Variants in NTM observed in about 807,000 individuals in gnomAD.
NTM encodes the protein neurotrimin.
NTM carries 13 observed loss-of-function variants against 42.1 expected under a neutral mutation model. That is an observed-to-expected ratio of 0.31 (90% confidence interval 0.20 to 0.49). The LOEUF (loss-of-function observed/expected upper bound fraction) is 0.49, where lower values mean the gene tolerates loss of function less well. Among genes scored for constraint, NTM ranks in the 20% least tolerant of loss-of-function variants. NTM has a pLI of 0.99. For missense variants in NTM, 373 were observed against 452.8 expected, an observed-to-expected ratio of 0.82 and a Z score of 1.60; for synonymous variants, 187 against 179.2, an observed-to-expected ratio of 1.04 and a Z score of -0.35.
At chr11:131,790,486 A>G (rs185120518) in intron 1 of NTM, among the ~76,000 whole-genome samples, 91 of 152,338 alleles carry the variant, frequency 6.0e-4, no homozygotes, top group African/African-American at 2.1e-3. Flanking sequence ...AGTCTCCCCT[A>G]CTGACACACA....
chr11:132,307,634 A>ATGTT, intron 4 of NTM, 55 bp from the exon 5 acceptor site: 1 of 1,605,690 alleles, frequency 6.2e-7, no homozygotes, highest in Admixed American at 1.7e-5. Flanking sequence ...CTAAGTGAAC[A>ATGTT]TGTTTGGTCT....
chr11:131,661,003 A>AAAAG, intron 1 of NTM: 1 of 1,304,606 alleles, frequency 7.7e-7, no homozygotes, highest in Non-Finnish European at 1.0e-6. Context: ...AATGAACGGA[A>AAAAG]AAAGAAACGG....
At chr11:132,249,009 C>G (rs986328349) in intron 4 of NTM, among the ~76,000 whole-genome samples, 1 of 152,184 alleles carries the variant, frequency 6.6e-6, no homozygotes, top group African/African-American at 2.4e-5. Context: ...GATGCTCGTT[C>G]AGCTGCTGCT....
chr11:131,814,104 A>G (rs2092849812), intron 1 of NTM, among the ~76,000 whole-genome samples: 1 of 152,202 alleles, frequency 6.6e-6, no homozygotes, highest in Non-Finnish European at 1.5e-5. Context: ...TGTACTTCCC[A>G]GAGAGCTTAA....
intron 1 of NTM, among the ~76,000 whole-genome samples, chr11:131,531,854 G>A (rs1456101966): frequency 2.0e-5 from 3 of 152,154 alleles, no homozygotes; most frequent in East Asian, 3.9e-4. Flanking sequence ...ATTTTGGAGG[G>A]CAAGATAGGG....
intron 2 of NTM, among the ~76,000 whole-genome samples, chr11:132,089,829 T>C (rs191797866): frequency 6.6e-6 from 1 of 152,350 alleles, no homozygotes; most frequent in East Asian, 1.9e-4. Context: ...AAATGTCTTA[T>C]TGTTCTTAGT....
chr11:131,890,246 C>T (rs986632336), intron 1 of NTM, among the ~76,000 whole-genome samples: 2 of 152,246 alleles, frequency 1.3e-5, no homozygotes, highest in African/African-American at 4.8e-5. Context: ...GACTTCCCCT[C>T]TTTGTAGAGA....
At chr11:132,233,897 G>A (rs755065234) in intron 4 of NTM, among the ~76,000 whole-genome samples, 2 of 152,156 alleles carry the variant, frequency 1.3e-5, no homozygotes, top group Non-Finnish European at 2.9e-5. Flanking sequence ...TCCAAATGAT[G>A]CCCACTTCTC....
chr11:131,654,438 GT>G (rs11435915), intron 1 of NTM, among the ~76,000 whole-genome samples: 7 of 150,770 alleles, frequency 4.6e-5, no homozygotes, highest in Admixed American at 1.3e-4. Context: ...GTCCCGACAG[GT>G]TTTTTTTTTC....
intron 2 of NTM, among the ~76,000 whole-genome samples, chr11:132,107,817 T>G (rs900652866): frequency 7.2e-5 from 11 of 152,198 alleles, no homozygotes; most frequent in Non-Finnish European, 1.5e-4. Context: ...TTCTAAGCTC[T>G]GCATGGTGCA....
intron 1 of NTM, among the ~76,000 whole-genome samples, chr11:131,719,091 G>T (rs1295071172): frequency 6.6e-6 from 1 of 152,042 alleles, no homozygotes; most frequent in Non-Finnish European, 1.5e-5. Context: ...TGTATTTTTA[G>T]TAGAGATGAG....
At chr11:132,025,953 A>C (rs1369310208) in intron 2 of NTM, among the ~76,000 whole-genome samples, 1 of 152,150 alleles carries the variant, frequency 6.6e-6, no homozygotes, top group African/African-American at 2.4e-5. Flanking sequence ...TTAGACATGG[A>C]ATCCTGATTC....
intron 4 of NTM, among the ~76,000 whole-genome samples, chr11:132,288,713 G>A (rs1441752439): frequency 5.9e-5 from 9 of 151,766 alleles, no homozygotes; most frequent in Non-Finnish European, 1.3e-4. Context: ...TCCAGCTCCC[G>A]GGTTCAAGCG....
chr11:131,462,623 G>A (rs1439250533), intron 1 of NTM, among the ~76,000 whole-genome samples: 1 of 152,248 alleles, frequency 6.6e-6, no homozygotes, highest in African/African-American at 2.4e-5. Context: ...AGTGGCCACT[G>A]TTTCAGTTGA....
At chr11:132,101,500 T>C (rs562112802) in intron 2 of NTM, among the ~76,000 whole-genome samples, 1 of 152,136 alleles carries the variant, frequency 6.6e-6, no homozygotes, top group South Asian at 2.1e-4. Flanking sequence ...TGAATACCCC[T>C]TCTGTAATGT....
intron 1 of NTM, among the ~76,000 whole-genome samples, chr11:131,782,028 C>A (rs76856820): frequency 6.6e-6 from 1 of 152,092 alleles, no homozygotes. Context: ...TGAGTTCTGA[C>A]CAGCTAGAGT....
chr11:131,910,857 G>A, intron 1 of NTM: 1 of 985,162 alleles, frequency 1.0e-6, no homozygotes, highest in Non-Finnish European at 1.2e-6. Flanking sequence ...GAAGTTGACC[G>A]AGGCGGCTGC....
At chr11:131,484,320 A>G (rs1953927226) in intron 1 of NTM, among the ~76,000 whole-genome samples, 1 of 152,220 alleles carries the variant, frequency 6.6e-6, no homozygotes, top group Non-Finnish European at 1.5e-5. Context: ...TTTAAAGGTG[A>G]GACTATGAGG....
chr11:132,217,280 A>G (rs1441275098), intron 4 of NTM, among the ~76,000 whole-genome samples: 1 of 152,182 alleles, frequency 6.6e-6, no homozygotes, highest in Non-Finnish European at 1.5e-5. Flanking sequence ...GAAAAGAAAG[A>G]AATCAATCGG....
Sources: gnomAD v4.1 joint callset for allele counts (sites outside exome capture counted in the v4.1 genomes callset) on GRCh38, gnomAD v4.1.1 for gene constraint, MANE v1.5 for transcripts, NCBI Gene and HGNC (gene_info 2026-07-23, HGNC 2026-07-21) for gene names.